The following CACNA1C variants were observed in gnomAD, a reference collection of about 807,000 sequenced individuals.
The protein encoded by CACNA1C is voltage-dependent L-type calcium channel subunit alpha-1C.
In CACNA1C, 30 loss-of-function variants were observed where a neutral mutation model predicts 229.0. That is an observed-to-expected ratio of 0.13 (90% CI 0.10 to 0.18). The LOEUF (loss-of-function observed/expected upper bound fraction) is 0.18, where lower values mean the gene tolerates loss of function less well. Ranked by LOEUF, CACNA1C falls within the 10% of genes least tolerant of loss-of-function variation. CACNA1C has a pLI of 1.00. For synonymous variants in CACNA1C, 1,114 were observed against 1,132.5 expected (o/e 0.98, Z 0.33); for missense variants, 1,658 against 2,845.0 (o/e 0.58, Z 9.49).
intron 3 of CACNA1C, among the ~76,000 whole-genome samples, chr12:2,448,749 G>A (rs1430926887): frequency 7.7e-6 from 1 of 130,586 alleles, no homozygotes; most frequent in Admixed American, 8.3e-5. Context: ...TGTTCATGGG[G>A]GAACTTTGAT....
chr12:2,115,606 C>G (rs981752792), intron 2 of CACNA1C, 61 bp downstream of exon 2: 2 of 1,540,746 alleles, frequency 1.3e-6, no homozygotes, highest in East Asian at 2.3e-5. Context: ...TCCAGCCCTC[C>G]GAGGCTCCCT....
chr12:2,270,263 T>C (rs1370934444), intron 3 of CACNA1C, among the ~76,000 whole-genome samples: 1 of 152,230 alleles, frequency 6.6e-6, no homozygotes, highest in Non-Finnish European at 1.5e-5. Flanking sequence ...ACTAGTGTGT[T>C]TACCTTGCAA....
At position 2,410,781 on chromosome 12, in the gene CACNA1C, G is replaced by T. The variant is rs887554654; in HGVS notation, c.478-38195G>T. On this transcript the variant is annotated intron_variant, in intron 3 of 46. Coordinates refer to ENST00000399655, the MANE Select transcript of CACNA1C (RefSeq NM_000719.7). The surrounding 1 kb of genome is among the most constrained non-coding windows in gnomAD (Gnocchi z 5.3). ...GGAGCTGACTCTAGTTGTCAGGATGGCTCCCCTGTGTGTGTATATGTGTGT... is the reference window on the plus strand; with the variant it reads ...GGAGCTGACTCTAGTTGTCAGGATGTCTCCCCTGTGTGTGTATATGTGTGT... Among the ~76,000 whole-genome samples, 4 of 149,732 alleles carry T rather than the reference G, an allele frequency of 2.7e-5. No individual in the cohort carries two copies. Among genetic ancestry groups the T allele is most frequent in the Admixed American group, 2.7e-4 (4 of 15,008 alleles).
Position 2,486,272 on chromosome 12 carries a change from G to A in CACNA1C, c.916+10G>A, listed in dbSNP as rs762177233. On this transcript the variant is annotated intron_variant, in intron 6 of 46. Coordinates refer to ENST00000399655, the MANE Select transcript of CACNA1C (RefSeq NM_000719.7). This position sits in a 1 kb window ranked among gnomAD's most constrained non-coding sequence, Gnocchi z 4.9. Reference sequence around the variant, plus strand: ...CAGGAGGGCATAGCAGGTAAGAGGGGCAGGCGGCTGCGCTCCCAAGGCCCT... The same window carrying A: ...CAGGAGGGCATAGCAGGTAAGAGGGACAGGCGGCTGCGCTCCCAAGGCCCT... The A allele has an allele frequency of 3.1e-6, 5 of 1,609,984 alleles. No individual in the cohort carries two copies. Among genetic ancestry groups the A allele is most frequent in the Admixed American group, 1.7e-5 (1 of 59,838 alleles).
At chr12:2,521,329 C>T (rs1203872768) in intron 9 of CACNA1C, among the ~76,000 whole-genome samples, 4 of 152,136 alleles carry the variant, frequency 2.6e-5, no homozygotes, top group East Asian at 3.9e-4. Context: ...AGGGAGCCAC[C>T]GGGACCTCTC....
At chr12:2,019,334 C>T (rs545872377) in intron 1 of CACNA1C, among the ~76,000 whole-genome samples, 22 of 152,074 alleles carry the variant, frequency 1.4e-4, no homozygotes, top group Middle Eastern at 6.8e-3. Flanking sequence ...TGTTGTGGCA[C>T]GTGCCTGTAG....
intron 29 of CACNA1C, among the ~76,000 whole-genome samples, chr12:2,615,213 A>G (rs2079848259): frequency 1.3e-5 from 2 of 152,248 alleles, no homozygotes; most frequent in African/African-American, 4.8e-5. Context: ...GTGCAGGACC[A>G]GGCTGGGCAG....
At position 2,120,367 on chromosome 12, in the gene CACNA1C, T is replaced by C. The variant is rs533097898; in HGVS notation, c.414T>C (p.Cys138=). The C allele has an allele frequency of 1.2e-6, 2 of 1,611,910 alleles. No individual in the cohort carries two copies. The highest frequency in any genetic ancestry group is 1.1e-5 in the South Asian group (1 of 91,048). Residue 138 remains cysteine (C), a synonymous_variant, in exon 3 of 47, where the codon TGT becomes TGC. Transcript: ENST00000399655. ...IIILLTIFAN[C]VALAIYIPFP... The stretch of plus-strand genomic sequence containing the variant: ...TTTTACTGACTATTTTTGCCAATTG[T>C]GTGGCCTTAGCGATCTATATTCCCT...
intron 1 of CACNA1C, among the ~76,000 whole-genome samples, chr12:2,073,331 T>C (rs767431647): frequency 2.3e-4 from 35 of 152,250 alleles, no homozygotes; most frequent in Admixed American, 9.2e-4. Flanking sequence ...CTTACCCTTC[T>C]GTGCCCTTCC....
At chr12:1,977,236 T>A (rs1366365166) in intron 1 of CACNA1C, among the ~76,000 whole-genome samples, 1 of 152,174 alleles carries the variant, frequency 6.6e-6, no homozygotes, top group Non-Finnish European at 1.5e-5. Flanking sequence ...AGGAGAAAGC[T>A]TAAAAAGCAC....
In CACNA1C at chr12:2,678,106, G is replaced by C. The variant is rs548543509; in HGVS notation, c.5091+239G>C. ...CAGTGTCACTGGCTCTCAGAGAAGC[G>C]GGAAGGAACCGCCTTCCTAAGGGAA... is the stretch of plus-strand genomic sequence containing the variant. On this transcript the variant is annotated intron_variant, in intron 41 of 46. Coordinates refer to ENST00000399655, the MANE Select transcript of CACNA1C (RefSeq NM_000719.7). This position sits in a 1 kb window ranked among gnomAD's most constrained non-coding sequence, Gnocchi z 4.1. 1.3e-5 allele frequency among the ~76,000 whole-genome samples: 2 copies of C among 152,276 alleles called. No homozygotes were observed. The highest frequency in any genetic ancestry group is 1.3e-4 in the Admixed American group (2 of 15,298).
chr12:2,529,615 G>A (rs1281470335), intron 9 of CACNA1C, among the ~76,000 whole-genome samples: 2 of 152,192 alleles, frequency 1.3e-5, no homozygotes, highest in Admixed American at 6.5e-5. Context: ...CTAAAACGAG[G>A]TTGGGCCAGA....
rs79209813 is a variant in CACNA1C at position 2,138,744 on chromosome 12, A to G, written c.477+18314A>G. Reference sequence around the variant, plus strand: ...AGCCTGAGGCCCTCACCAGAAGCAGATGCTAGAGCCATGCCTCTTGTGCGG... The same window carrying G: ...AGCCTGAGGCCCTCACCAGAAGCAGGTGCTAGAGCCATGCCTCTTGTGCGG... On this transcript the variant is annotated intron_variant, in intron 3 of 46. Coordinates refer to ENST00000399655, the MANE Select transcript of CACNA1C (RefSeq NM_000719.7). Among the ~76,000 whole-genome samples the G allele has an allele frequency of 5.6e-3, 851 of 151,258 alleles. 15 individuals are homozygous for G. The highest frequency in any genetic ancestry group is 0.02 in the African/African-American group (811 of 41,466).
chr12:2,673,100 G>A (rs1031997168), intron 38 of CACNA1C, among the ~76,000 whole-genome samples: 2 of 152,186 alleles, frequency 1.3e-5, no homozygotes, highest in East Asian at 1.9e-4. Context: ...CTGGACTGCC[G>A]GTCCTATGCG....
At chr12:2,238,025 T>C (rs974504310) in intron 3 of CACNA1C, among the ~76,000 whole-genome samples, 1 of 152,206 alleles carries the variant, frequency 6.6e-6, no homozygotes, top group Non-Finnish European at 1.5e-5. Flanking sequence ...TATCTGTATG[T>C]TCTTTAAGGA....
chr12:2,577,949 A>G (rs1015517632), intron 13 of CACNA1C, among the ~76,000 whole-genome samples: 27 of 151,110 alleles, frequency 1.8e-4, no homozygotes, highest in Admixed American at 5.3e-4. Flanking sequence ...GCTCACTGCA[A>G]GCTCCGCCTC....
At chr12:2,543,039 G>C (rs1190625024) in intron 9 of CACNA1C, among the ~76,000 whole-genome samples, 7 of 152,204 alleles carry the variant, frequency 4.6e-5, no homozygotes, top group Non-Finnish European at 1.0e-4. Flanking sequence ...CCTGCTGGCA[G>C]ATGTTTCTTG....
intron 1 of CACNA1C, among the ~76,000 whole-genome samples, chr12:2,037,813 C>T (rs957910641): frequency 1.3e-5 from 2 of 152,186 alleles, no homozygotes; most frequent in African/African-American, 4.8e-5. Context: ...TCCAGAATCT[C>T]AGGCTCTACC....
chr12:2,476,545 G>A lies in CACNA1C; in HGVS notation c.758-9559G>A, dbSNP rs565877184. 5.3e-5 allele frequency among the ~76,000 whole-genome samples: 8 copies of A among 152,292 alleles called. No individual in the cohort carries two copies. In the South Asian group the frequency reaches 1.7e-3, roughly 32 times the overall value. ...GGTAGTTAATACTATTATTGTTGTT[G>A]TTTGCTTTAGATCATCTTGTCTGCC... On this transcript the variant is annotated intron_variant, in intron 5 of 46. Coordinates refer to ENST00000399655, the MANE Select transcript of CACNA1C (RefSeq NM_000719.7).
Sources: gnomAD v4.1 joint callset for allele counts (sites outside exome capture counted in the v4.1 genomes callset) on GRCh38, gnomAD v4.1.1 for gene constraint, Gnocchi (gnomAD v3.1) non-coding constraint, MANE v1.5 for transcripts, NCBI Gene and HGNC (gene_info 2026-07-23, HGNC 2026-07-21) for gene names.